The following LRP1B variants were observed in gnomAD, a reference collection of about 807,000 sequenced individuals.
LRP1B encodes the protein low-density lipoprotein receptor-related protein 1B.
LRP1B carries 217 observed loss-of-function variants against 556.6 expected under a neutral mutation model. That is an observed-to-expected ratio of 0.39 (90% CI 0.35 to 0.44). The LOEUF is 0.44. Among genes scored for constraint, LRP1B ranks in the 20% least tolerant of loss-of-function variants. LRP1B has a pLI of 1.00. For synonymous variants in LRP1B, 2,047 were observed against 1,865.8 expected (o/e 1.10, Z -2.50); for missense variants, 5,053 against 5,620.8 (o/e 0.90, Z 3.23).
chr2:141,170,748 A>G (rs183906304), intron 7 of LRP1B, among the ~76,000 whole-genome samples: 87 of 152,186 alleles, frequency 5.7e-4, no homozygotes, highest in Non-Finnish European at 1.1e-3. Context: ...AAGGTGTTGC[A>G]TTTTCTATTT....
chr2:141,206,408 C>T (rs866214224), intron 6 of LRP1B, among the ~76,000 whole-genome samples: 16 of 151,018 alleles, frequency 1.1e-4, no homozygotes, highest in Non-Finnish European at 1.8e-4. Flanking sequence ...GGTGAAACCC[C>T]GTCTCTACTA....
At chr2:141,819,573 C>T (rs1302662188) in intron 1 of LRP1B, among the ~76,000 whole-genome samples, 1 of 152,048 alleles carries the variant, frequency 6.6e-6, no homozygotes, top group East Asian at 1.9e-4. Context: ...AAAAGTGGAA[C>T]AGAGGATACT....
chr2:140,978,948 C>T (rs1361779775), intron 18 of LRP1B, among the ~76,000 whole-genome samples: 1 of 152,240 alleles, frequency 6.6e-6, no homozygotes, highest in Middle Eastern at 3.4e-3. Flanking sequence ...TTGTGTGCTG[C>T]AGGCCTCTTG....
At chr2:141,152,405 G>C (rs1241519997) in intron 7 of LRP1B, among the ~76,000 whole-genome samples, 1 of 151,420 alleles carries the variant, frequency 6.6e-6, no homozygotes, top group Non-Finnish European at 1.5e-5. Context: ...TCTGGAAATA[G>C]AAAAAAAATA....
rs199878241 is a variant in LRP1B at position 140,902,966 on chromosome 2, A to G, written c.3720T>C (p.Tyr1240=). 11 of 1,613,678 alleles carry G rather than the reference A, an allele frequency of 6.8e-6. No homozygotes were observed. The highest frequency in any genetic ancestry group is 8.5e-6 in the Non-Finnish European group (10 of 1,179,706). The change falls in exon 23 of 91, where the codon TAT becomes TAC. Residue 1240 remains tyrosine (Y), a synonymous_variant. Transcript: ENST00000389484. ...QHKHTVKCSC[Y]EGWKLDVDGE... is the part of the protein sequence containing the mutation. ...CGTCTACATCCAGCTTCCAACCTTC[A>G]TAACATGAGCACTTGACTGTGTGCT...
intron 3 of LRP1B, among the ~76,000 whole-genome samples, chr2:141,394,332 G>T (rs556825473): frequency 1.6e-3 from 243 of 152,040 alleles, no homozygotes; most frequent in Admixed American, 2.8e-3. Flanking sequence ...TGAAAAATGG[G>T]TTCACCTTTG....
chr2:141,429,073 T>TTAC (rs1347066855), intron 3 of LRP1B, among the ~76,000 whole-genome samples: 2 of 152,080 alleles, frequency 1.3e-5, no homozygotes, highest in Non-Finnish European at 2.9e-5. Flanking sequence ...AGAAGAAAAA[T>TTAC]TACTATAGAG....
chr2:141,764,395 G>T (rs1168528412), intron 2 of LRP1B, among the ~76,000 whole-genome samples: 2 of 152,112 alleles, frequency 1.3e-5, no homozygotes, highest in African/African-American at 4.8e-5. Flanking sequence ...TGTTAGTCAG[G>T]ATGGTCTTGA....
At chr2:141,590,112 T>C (rs1356200990) in intron 2 of LRP1B, among the ~76,000 whole-genome samples, 2 of 152,156 alleles carry the variant, frequency 1.3e-5, no homozygotes, top group Non-Finnish European at 2.9e-5. Context: ...AAAATGGTTA[T>C]TTTTACTTGA....
chr2:140,755,362 G>A (rs1206937668), intron 35 of LRP1B, among the ~76,000 whole-genome samples: 1 of 151,840 alleles, frequency 6.6e-6, no homozygotes, highest in South Asian at 2.1e-4. Flanking sequence ...GATACCATAA[G>A]AAAGAAAAAT....
At chr2:140,359,203 G>A (rs996790387) in intron 72 of LRP1B, among the ~76,000 whole-genome samples, 16 of 151,594 alleles carry the variant, frequency 1.1e-4, no homozygotes, top group Non-Finnish European at 2.1e-4. Flanking sequence ...ATTCCCAGAT[G>A]CCTTATCTTA....
intron 1 of LRP1B, among the ~76,000 whole-genome samples, chr2:141,929,334 C>T (rs879702356): frequency 2.6e-5 from 4 of 152,062 alleles, no homozygotes; most frequent in African/African-American, 4.8e-5. Flanking sequence ...CAACAATGCA[C>T]TTCATAGGGT....
intron 2 of LRP1B, among the ~76,000 whole-genome samples, chr2:141,624,160 T>C (rs1454869850): frequency 6.6e-6 from 1 of 151,570 alleles, no homozygotes; most frequent in Admixed American, 6.6e-5. Context: ...AGTAAGTAAA[T>C]CTTCATTTGA....
At chr2:141,128,369 T>C (rs1475115306) in intron 7 of LRP1B, among the ~76,000 whole-genome samples, 3 of 152,174 alleles carry the variant, frequency 2.0e-5, no homozygotes, top group African/African-American at 7.2e-5. Flanking sequence ...AGTATTTCAA[T>C]TTATGGTTAA....
At chr2:141,545,341 G>A (rs1025221248) in intron 2 of LRP1B, among the ~76,000 whole-genome samples, 3 of 152,122 alleles carry the variant, frequency 2.0e-5, no homozygotes, top group Non-Finnish European at 2.9e-5. Context: ...TATTAGGCTT[G>A]TCTACTTCCT....
intron 2 of LRP1B, among the ~76,000 whole-genome samples, chr2:141,608,054 G>A (rs1321467918): frequency 6.6e-6 from 1 of 152,004 alleles, no homozygotes; most frequent in Admixed American, 6.6e-5. Flanking sequence ...GAGGAACCCT[G>A]TCTCTGCTAA....
intron 3 of LRP1B, among the ~76,000 whole-genome samples, chr2:141,476,357 G>T (rs377638412): frequency 1.3e-5 from 2 of 152,114 alleles, no homozygotes; most frequent in Non-Finnish European, 2.9e-5. Flanking sequence ...ATATGGTTGT[G>T]TGCATTTCTG....
chr2:140,653,074 T>C (rs973854774), intron 41 of LRP1B, among the ~76,000 whole-genome samples: 1 of 151,956 alleles, frequency 6.6e-6, no homozygotes, highest in African/African-American at 2.4e-5. Context: ...ATAAGCATCA[T>C]CAAGACAATA....
At chr2:141,349,964 C>T (rs968613086) in intron 3 of LRP1B, among the ~76,000 whole-genome samples, 2 of 152,116 alleles carry the variant, frequency 1.3e-5, no homozygotes, top group Non-Finnish European at 2.9e-5. Flanking sequence ...ACTTACAGTT[C>T]CACGTGGCTG....
Sources: allele counts gnomAD v4.1 joint callset (sites outside exome capture counted in the v4.1 genomes callset), GRCh38; gene constraint gnomAD v4.1.1; transcripts MANE v1.5; gene names NCBI Gene and HGNC (gene_info 2026-07-23, HGNC 2026-07-21).